The following ZFR variants were observed in gnomAD, a reference collection of about 807,000 sequenced individuals.
The protein encoded by ZFR is zinc finger RNA binding protein.
ZFR carries 19 observed loss-of-function variants against 130.7 expected under a neutral mutation model. The ratio of observed to expected loss-of-function variants is 0.15; its 90% CI spans 0.10 to 0.21. The LOEUF (loss-of-function observed/expected upper bound fraction) is 0.21, where lower values mean the gene tolerates loss of function less well. Among genes scored for constraint, ZFR ranks in the 10% least tolerant of loss-of-function variants. The pLI, the probability that ZFR is intolerant of heterozygous loss-of-function variation, is 1.00. For missense variants in ZFR, 872 were observed against 1,321.5 expected (o/e 0.66, Z 5.27); for synonymous variants, 466 against 456.9 (o/e 1.02, Z -0.25).
chr5:32,364,578 C>A (rs537193618), intron 17 of ZFR: 15 of 159,994 alleles, frequency 9.4e-5, no homozygotes, highest in South Asian at 5.6e-4. Context: ...CCCCAAAAAA[C>A]CAAAAATTAG....
chr5:32,421,498 G>A (rs925431519), intron 2 of ZFR, among the ~76,000 whole-genome samples: 1 of 152,168 alleles, frequency 6.6e-6, no homozygotes, highest in Non-Finnish European at 1.5e-5. Flanking sequence ...GTTCATATTA[G>A]ATTGTAAGAT....
At chr5:32,383,761 C>G in intron 15 of ZFR, 1 of 456,548 alleles carries the variant, frequency 2.2e-6, no homozygotes. Flanking sequence ...GAATACATAC[C>G]GTTATTCTGC....
chr5:32,424,630 G>A (rs551837950), intron 2 of ZFR, among the ~76,000 whole-genome samples: 2 of 152,196 alleles, frequency 1.3e-5, no homozygotes, highest in Non-Finnish European at 1.5e-5. Flanking sequence ...GACTTTATAG[G>A]TGAGCAATCA....
intron 7 of ZFR, 122 bp from the exon 8 acceptor site, chr5:32,403,519 T>A (rs1753514496): frequency 5.6e-6 from 7 of 1,248,456 alleles, no homozygotes; most frequent in South Asian, 1.5e-5. Flanking sequence ...TTCTGCTATA[T>A]GTTTTTGTAT....
intron 2 of ZFR, among the ~76,000 whole-genome samples, chr5:32,435,036 A>G (rs1754303677): frequency 6.6e-6 from 1 of 152,176 alleles, no homozygotes; most frequent in Admixed American, 6.5e-5. Flanking sequence ...CTCCCACCTC[A>G]GCCTCTCGAG....
chr5:32,387,463 TTAGGTTTAAA>T lies in ZFR; in HGVS notation c.2499+76_2499+85del, dbSNP rs1311134500. 3 of 1,494,994 alleles carry T rather than the reference TTAGGTTTAAA, an allele frequency of 2.0e-6. No homozygotes were observed. In the African/African-American group the frequency reaches 4.3e-5, roughly 21 times the overall value. 92.6% of individuals were successfully genotyped at this position (1,494,994 alleles called of 1,614,324 possible). On this transcript the variant is annotated intron_variant, in intron 14 of 19. Transcript: ENST00000265069. ...TCAAGCCAAAATTTTAAAGGCTGGC[TTAGGTTTAAA>T]CCGAAGCACAGTCAGTCCCGCCAAA...
In ZFR at chr5:32,390,443, A is replaced by T. The variant is rs754559809; in HGVS notation, c.1980-6T>A. 3.7e-6 allele frequency: 6 copies of T among 1,610,494 alleles called. No homozygotes were observed. Among genetic ancestry groups the T allele is most frequent in the South Asian group, 3.3e-5 (3 of 90,904 alleles). ...ACATGTCCTCTTCATAACGTCTGAA[A>T]CATAAAGAATGACATTATAAGCATA... On this transcript the variant is annotated splice_region_variant and splice_polypyrimidine_tract_variant and intron_variant, in intron 11 of 19. Transcript: ENST00000265069.
At chr5:32,356,643 T>A (rs1168065090) in intron 19 of ZFR, among the ~76,000 whole-genome samples, 1 of 151,960 alleles carries the variant, frequency 6.6e-6, no homozygotes, top group Non-Finnish European at 1.5e-5. Context: ...ATTGTCTCGA[T>A]CTCCTGACCT....
At chr5:32,444,197 G>C (rs1389420189) in intron 2 of ZFR, 32 bp downstream of exon 2, 1 of 1,591,368 alleles carries the variant, frequency 6.3e-7, no homozygotes, top group Admixed American at 1.7e-5. Context: ...GGAGAGCAAG[G>C]GGCGAACAGA....
chr5:32,435,743 T>C (rs529517854), intron 2 of ZFR, among the ~76,000 whole-genome samples: 2 of 152,342 alleles, frequency 1.3e-5, no homozygotes, highest in African/African-American at 4.8e-5. Flanking sequence ...GTGTATTTTA[T>C]ACTATAGCTT....
chr5:32,383,754 T>A (rs1197023159), intron 15 of ZFR: 1 of 456,580 alleles, frequency 2.2e-6, no homozygotes, highest in Non-Finnish European at 4.4e-6. Flanking sequence ...TGAGAGAGAA[T>A]ACATACCGTT....
chr5:32,386,354 T>C (rs1370637581), intron 14 of ZFR, among the ~76,000 whole-genome samples: 3 of 152,152 alleles, frequency 2.0e-5, no homozygotes, highest in Non-Finnish European at 2.9e-5. Flanking sequence ...TACTATAGTA[T>C]AAATTAACTA....
At chr5:32,382,092 G>A (rs1193880745) in intron 15 of ZFR, among the ~76,000 whole-genome samples, 12 of 152,172 alleles carry the variant, frequency 7.9e-5, no homozygotes, top group Non-Finnish European at 1.5e-4. Flanking sequence ...ATCTGAGGTA[G>A]GGAGTTCGAG....
In ZFR at chr5:32,414,962, G is replaced by A; in HGVS notation, c.784+7C>T. 1 of 1,610,342 alleles carries A rather than the reference G, an allele frequency of 6.2e-7. No individual in the cohort carries two copies. Among genetic ancestry groups the A allele is most frequent in the Non-Finnish European group, 8.5e-7 (1 of 1,177,368 alleles). On this transcript the variant is annotated splice_region_variant and intron_variant, in intron 5 of 19. Coordinates refer to ENST00000265069, the MANE Select transcript of ZFR (RefSeq NM_016107.5). Reference sequence around the variant, plus strand: ...TTACTCATTTAAACACAGTTTATCAGTCTTACCAGAATATGTAACTGCTGT... The same window carrying A: ...TTACTCATTTAAACACAGTTTATCAATCTTACCAGAATATGTAACTGCTGT...
intron 17 of ZFR, among the ~76,000 whole-genome samples, chr5:32,372,119 A>C (rs1009640249): frequency 7.9e-5 from 12 of 152,200 alleles, no homozygotes; most frequent in Non-Finnish European, 8.8e-5. Flanking sequence ...AGTGTAGCCT[A>C]CATTTGCTAA....
rs2910930 is a variant in ZFR, at chr5:32,390,581, T to C, written c.1980-144A>G. ...CTTCCCAAATGTATCTGATTTTCCA[T>C]GTTTGCTTTCATTGCGAAGTAAATG... is the stretch of plus-strand genomic sequence containing the variant. On this transcript the variant is annotated intron_variant, in intron 11 of 19. Transcript: ENST00000265069. 57 of 826,176 alleles carry C rather than the reference T, an allele frequency of 6.9e-5. No individual in the cohort carries two copies. The African/African-American group carries it at 9.2e-4, about 13-fold the overall frequency. 51.2% of individuals were successfully genotyped at this position (826,176 alleles called of 1,614,324 possible).
intron 19 of ZFR, among the ~76,000 whole-genome samples, chr5:32,362,195 C>T (rs1008977444): frequency 3.3e-5 from 5 of 152,104 alleles, no homozygotes; most frequent in Non-Finnish European, 7.4e-5. Flanking sequence ...CCATTTGCTT[C>T]TTGGGAAGGG....
At chr5:32,420,309 T>C (rs1418589092) in intron 2 of ZFR, among the ~76,000 whole-genome samples, 1 of 152,190 alleles carries the variant, frequency 6.6e-6, no homozygotes, top group Non-Finnish European at 1.5e-5. Context: ...TTCTTTTTTT[T>C]TTAAATTTTC....
chr5:32,359,414 G>C (rs1178370659), intron 19 of ZFR, among the ~76,000 whole-genome samples: 1 of 151,998 alleles, frequency 6.6e-6, no homozygotes, highest in Non-Finnish European at 1.5e-5. Flanking sequence ...CAAAAGACTG[G>C]ATACCCCTGC....
Sources: allele counts gnomAD v4.1 joint callset (sites outside exome capture counted in the v4.1 genomes callset), GRCh38; gene constraint gnomAD v4.1.1; transcripts MANE v1.5; gene names NCBI Gene and HGNC (gene_info 2026-07-23, HGNC 2026-07-21).